Variants in AADAC observed in about 807,000 individuals in gnomAD.
AADAC encodes the protein arylacetamide deacetylase (esterase).
In AADAC, 17 loss-of-function variants were observed where a neutral mutation model predicts 22.7. The observed-to-expected ratio is 0.75, with a 90% confidence interval of 0.51 to 1.12. The LOEUF (loss-of-function observed/expected upper bound fraction) is 1.12, where lower values mean the gene tolerates loss of function less well. AADAC is among the 50% of genes most tolerant of loss of function. AADAC has a pLI of 0.00. For synonymous variants in AADAC, 167 were observed against 176.3 expected, an observed-to-expected ratio of 0.95 and a Z score of 0.42; for missense variants, 465 against 473.9, an observed-to-expected ratio of 0.98 and a Z score of 0.17.
At position 151,827,991 on chromosome 3, in the gene AADAC, G is replaced by C. The variant is rs755238625; in HGVS notation, c.1019G>C (p.Cys340Ser). 6.2e-7 allele frequency: 1 copy of C among 1,613,116 alleles called. No individual in the cohort carries two copies. The highest frequency in any genetic ancestry group is 1.1e-5 in the South Asian group (1 of 91,014). Residue 340 changes from cysteine (C) to serine (S), a missense_variant, in exon 5 of 5, where the codon TGT becomes TCT. Coordinates refer to ENST00000232892, the MANE Select transcript of AADAC (RefSeq NM_001086.3). ...RGLPLTYVIT[C>S]QYDLLRDDGL... ...TTACCCCTGACCTATGTCATCACCT[G>C]TCAATATGATCTCTTAAGAGATGAT...
intron 1 of AADAC, among the ~76,000 whole-genome samples, 184 bp downstream of exon 1, chr3:151,814,484 T>C (rs1715901596): frequency 6.6e-6 from 1 of 152,048 alleles, no homozygotes; most frequent in South Asian, 2.1e-4. Context: ...ATTGGAATCA[T>C]GTTAAAAAAA....
Position 151,814,304 on chromosome 3 carries a change from A to G in AADAC, c.138+4A>G. On this transcript the variant is annotated splice_donor_region_variant and intron_variant, in intron 1 of 4. Transcript: ENST00000232892. The stretch of plus-strand genomic sequence containing the variant: ...TCTGAAAACTATACAAAATTTGGTA[A>G]GTTTGGAATTTTATGAATTCAGATG... 1 of 1,609,324 alleles carries G rather than the reference A, an allele frequency of 6.2e-7. No homozygotes were observed. Among genetic ancestry groups the G allele is most frequent in the Non-Finnish European group, 8.5e-7 (1 of 1,177,942 alleles).
At chr3:151,827,520 G>T in intron 4 of AADAC, 56 bp from the exon 5 acceptor site, 1 of 975,860 alleles carries the variant, frequency 1.0e-6, no homozygotes. Context: ...AATCTTATTA[G>T]GGATATTTTA....
chr3:151,822,152 G>A (rs1354621551), intron 3 of AADAC, among the ~76,000 whole-genome samples: 1 of 151,772 alleles, frequency 6.6e-6, no homozygotes, highest in Non-Finnish European at 1.5e-5. Context: ...ACTAGGATGG[G>A]TATAATATAT....
rs189564013 is a variant in AADAC at position 151,820,573 on chromosome 3, A to G, written c.431+121A>G. On this transcript the variant is annotated intron_variant, in intron 3 of 4. Transcript: ENST00000232892. ...CACCCTGTCACCCAGGCTGGAGTGC[A>G]GTGGCAGGATCTCGGCTCCCTGCAA... 7.5e-6 allele frequency: 4 copies of G among 534,558 alleles called. No homozygotes were observed. The Admixed American group carries it at 1.8e-4, about 24-fold the overall frequency. 33.1% of individuals were successfully genotyped at this position (534,558 alleles called of 1,614,324 possible).
In AADAC at chr3:151,817,542, G is replaced by C; in HGVS notation, c.315G>C (p.Arg105Ser). ...VPKRKSEALRRGLFYIHGGGW... is the reference protein window; with the variant it reads ...VPKRKSEALRSGLFYIHGGGW... ...AGAGAAAGTCTGAAGCACTAAGAAG[G>C]GGGTTGTTTTACATCCATGGTGGAG... The change falls in exon 2 of 5, where the codon AGG becomes AGC. Residue 105 changes from arginine to serine, a missense_variant. Coordinates refer to ENST00000232892, the MANE Select transcript of AADAC (RefSeq NM_001086.3). The C allele has an allele frequency of 6.2e-7, 1 of 1,613,770 alleles. No individual in the cohort carries two copies. The highest frequency in any genetic ancestry group is 8.5e-7 in the Non-Finnish European group (1 of 1,179,752).
chr3:151,820,516 CTTTTTTT>C, intron 3 of AADAC, 64 bp downstream of exon 3: 35 of 411,130 alleles, frequency 8.5e-5, no homozygotes, highest in East Asian at 1.5e-4. Context: ...TCTCAGCTTT[CTTTTTTT>C]TTTTTTTTTT....
At chr3:151,821,712 G>A (rs927858830) in intron 3 of AADAC, among the ~76,000 whole-genome samples, 8 of 151,808 alleles carry the variant, frequency 5.3e-5, no homozygotes, top group Admixed American at 3.9e-4. Flanking sequence ...GTATAAGACC[G>A]ACATCTGTGT....
intron 3 of AADAC, 117 bp from the exon 4 acceptor site, chr3:151,824,546 A>G: frequency 1.5e-6 from 1 of 668,280 alleles, no homozygotes; most frequent in Non-Finnish European, 2.2e-6. Flanking sequence ...CACCTCCAGC[A>G]TGTATTAGGT....
Position 151,827,856 on chromosome 3 carries a change from ATGTT to A in AADAC, c.886_889del (p.Val296IlefsTer19), listed in dbSNP as rs1716567628. ...CTCCCTGAGAGGTTTATAAAAGGACATGTTTATAACAATCCAAATTATGGCAGTT... is the reference window on the plus strand; with the variant it reads ...CTCCCTGAGAGGTTTATAAAAGGACATATAACAATCCAAATTATGGCAGTT... On this transcript the variant is annotated frameshift_variant, in exon 5 of 5. Transcript: ENST00000232892. LOFTEE classifies it low-confidence loss of function (END_TRUNC). The A allele has an allele frequency of 6.2e-7, 1 of 1,613,142 alleles. No homozygotes were observed. Among genetic ancestry groups the A allele is most frequent in the Non-Finnish European group, 8.5e-7 (1 of 1,179,602 alleles).
chr3:151,814,358 T>G (rs1400657869), intron 1 of AADAC, 58 bp downstream of exon 1: 1 of 1,504,178 alleles, frequency 6.6e-7, no homozygotes, highest in Non-Finnish European at 8.9e-7. Context: ...ACCCAGAGAA[T>G]TAAGTTTTTC....
rs756569851 is a variant in AADAC at position 151,814,297 on chromosome 3, TTTG to T, written c.136_138del (p.Leu46del). ...ACGCACATCTGAAAACTATACAAAA[TTTG>T]GTAAGTTTGGAATTTTATGAATTCA... On this transcript the variant is annotated inframe_deletion and splice_region_variant, in exon 1 of 5. Transcript: ENST00000232892. 2 of 1,609,844 alleles carry T rather than the reference TTTG, an allele frequency of 1.2e-6. No individual in the cohort carries two copies. The highest frequency in any genetic ancestry group is 1.3e-5 in the African/African-American group (1 of 74,602).
intron 4 of AADAC, among the ~76,000 whole-genome samples, chr3:151,826,884 A>C (rs1716517718): frequency 6.6e-6 from 1 of 151,964 alleles, no homozygotes; most frequent in Non-Finnish European, 1.5e-5. Flanking sequence ...CTTCTTCTTC[A>C]TGGCAAAGCT....
chr3:151,820,633 T>C (rs1034568377), intron 3 of AADAC, among the ~76,000 whole-genome samples, 181 bp downstream of exon 3: 1 of 140,772 alleles, frequency 7.1e-6, no homozygotes, highest in Admixed American at 7.3e-5. Context: ...TTCTCATACC[T>C]CAGCCTCCCG....
chr3:151,824,833 A>T lies in AADAC; in HGVS notation c.602A>T (p.Gln201Leu). ...GGNLAAAVTQ[Q>L]LLDDPDVKIK... ...AATTTAGCTGCAGCAGTGACTCAACAGGTATGTTCATAATTTCTATGCTTT... is the reference window on the plus strand; with the variant it reads ...AATTTAGCTGCAGCAGTGACTCAACTGGTATGTTCATAATTTCTATGCTTT... The change falls in exon 4 of 5, where the codon CAG becomes CTG. Residue 201 changes from glutamine (Q) to leucine (L), a missense_variant and splice_region_variant. By Grantham distance (113) the Gln-to-Leu change is moderately radical. Transcript: ENST00000232892. 6.4e-7 allele frequency: 1 copy of T among 1,556,910 alleles called. No homozygotes were observed. Among genetic ancestry groups the T allele is most frequent in the Non-Finnish European group, 8.7e-7 (1 of 1,154,566 alleles).
rs752221154 is a variant in AADAC at position 151,824,826 on chromosome 3, A to G, written c.595A>G (p.Thr199Ala). The change falls in exon 4 of 5, where the codon ACT becomes GCT. Residue 199 changes from threonine to alanine, a missense_variant. By Grantham distance (58) the Thr-to-Ala change is moderately conservative (BLOSUM62 0). Transcript: ENST00000232892. ...AGGAGGGAATTTAGCTGCAGCAGTG[A>G]CTCAACAGGTATGTTCATAATTTCT... ...SAGGNLAAAV[T>A]QQLLDDPDVK... 111 of 1,577,390 alleles carry G rather than the reference A, an allele frequency of 7.0e-5. 1 individual carries two copies. The highest frequency in any genetic ancestry group is 9.3e-5 in the Non-Finnish European group (108 of 1,163,896).
In AADAC at chr3:151,820,421, G is replaced by T; in HGVS notation, c.400G>T (p.Asp134Tyr). 1 of 1,587,138 alleles carries T rather than the reference G, an allele frequency of 6.3e-7. No individual in the cohort carries two copies. The highest frequency in any genetic ancestry group is 1.2e-5 in the South Asian group (1 of 86,620). ...TGACTTGCTGTCAAGATGGACAGCA[G>T]ACAGACTTGATGCTGTCGTCGTATC... ...GYDLLSRWTA[D>Y]RLDAVVVSTN... The change falls in exon 3 of 5, where the codon GAC becomes TAC. Residue 134 changes from aspartate to tyrosine, a missense_variant. By Grantham distance (160) the Asp-to-Tyr change is radical. Coordinates refer to ENST00000232892, the MANE Select transcript of AADAC (RefSeq NM_001086.3).
At position 151,827,715 on chromosome 3, in the gene AADAC, G is replaced by T. The variant is rs766101327; in HGVS notation, c.743G>T (p.Arg248Ile). The T allele has an allele frequency of 1.2e-6, 2 of 1,613,096 alleles. No individual in the cohort carries two copies. The highest frequency in any genetic ancestry group is 3.3e-5 in the Admixed American group (2 of 59,896). The change falls in exon 5 of 5, where the codon AGA becomes ATA. Residue 248 changes from arginine to isoleucine, a missense_variant. By Grantham distance (97) the Arg-to-Ile change is moderately conservative. Transcript: ENST00000232892. The part of the protein sequence containing the change: ...FLFLSKSLMV[R>I]FWSEYFTTDR... ...TTTCTATCCAAATCACTCATGGTCAGATTCTGGAGTGAATATTTTACCACT... is the reference window on the plus strand; with the variant it reads ...TTTCTATCCAAATCACTCATGGTCATATTCTGGAGTGAATATTTTACCACT...
chr3:151,824,660 C>A lies in AADAC; in HGVS notation c.432-3C>A, dbSNP rs1270714811. 1.3e-6 allele frequency: 2 copies of A among 1,542,286 alleles called. No individual in the cohort carries two copies. Among genetic ancestry groups the A allele is most frequent in the African/African-American group, 2.8e-5 (2 of 71,750 alleles). On this transcript the variant is annotated splice_region_variant and splice_polypyrimidine_tract_variant and intron_variant, in intron 3 of 4. Transcript: ENST00000232892. ...ATGTGTAAACTATGTTTTCTCTCTA[C>A]AGCTACAGATTAGCACCTAAGTATC...
Sources: allele counts gnomAD v4.1 joint callset (sites outside exome capture counted in the v4.1 genomes callset), GRCh38; gene constraint gnomAD v4.1.1; transcripts MANE v1.5; gene names NCBI Gene and HGNC (gene_info 2026-07-23, HGNC 2026-07-21).